The following GALNTL6 variants were observed in gnomAD, a reference collection of about 807,000 sequenced individuals.
GALNTL6 encodes the protein polypeptide N-acetylgalactosaminyltransferase-like 6.
In GALNTL6, 46 loss-of-function variants were observed where a neutral mutation model predicts 73.7. The observed-to-expected ratio is 0.62, with a 90% CI of 0.49 to 0.80. The LOEUF is 0.80. GALNTL6 is among the 30% of genes least tolerant of loss of function. The probability of loss-of-function intolerance (pLI) is 0.00; values close to 1 mark genes in which losing one functional copy is unlikely to be tolerated. For synonymous variants in GALNTL6, 259 were observed against 263.7 expected, an observed-to-expected ratio of 0.98 and a Z score of 0.17; for missense variants, 604 against 755.0, an observed-to-expected ratio of 0.80 and a Z score of 2.34.
At chr4:172,487,318 C>T (rs1433733287) in intron 5 of GALNTL6, among the ~76,000 whole-genome samples, 4 of 109,222 alleles carry the variant, frequency 3.7e-5, no homozygotes, top group Non-Finnish European at 8.2e-5. Flanking sequence ...TTCTTTCTTT[C>T]TTTCTTTCTT....
chr4:172,256,909 G>A (rs1546332), intron 3 of GALNTL6, among the ~76,000 whole-genome samples: 1 of 151,090 alleles, frequency 6.6e-6, no homozygotes, highest in Non-Finnish European at 1.5e-5. Context: ...AAAAACTTAT[G>A]TTCTCATGGT....
In GALNTL6 at chr4:173,021,428, C is replaced by G. The variant is rs756059897; in HGVS notation, c.1489-48C>G. The G allele has an allele frequency of 8.1e-6, 13 of 1,603,866 alleles. No individual in the cohort carries two copies. The East Asian group carries it at 2.2e-4, about 28-fold the overall frequency. On this transcript the variant is annotated intron_variant, in intron 11 of 12. Transcript: ENST00000506823. Reference sequence around the variant, plus strand: ...ACCTTCCCCCGCCCTTGCATCTTCTCTCCAAAACAAACTCACTGCAGCTTT... The same window carrying G: ...ACCTTCCCCCGCCCTTGCATCTTCTGTCCAAAACAAACTCACTGCAGCTTT...
intron 5 of GALNTL6, among the ~76,000 whole-genome samples, chr4:172,557,685 T>A (rs934613408): frequency 6.6e-6 from 1 of 152,180 alleles, no homozygotes; most frequent in Admixed American, 6.5e-5. Flanking sequence ...AAAACCATTA[T>A]GAAATACTAC....
chr4:173,040,313 G>A lies in GALNTL6; in HGVS notation c.*213G>A, dbSNP rs577071431. 19 of 522,954 alleles carry A rather than the reference G, an allele frequency of 3.6e-5. 1 individual carries two copies. The South Asian group carries it at 5.1e-4, about 14-fold the overall frequency. The allele number at this position is 522,954 out of a possible 1,614,324, so 32.4% of individuals were successfully genotyped here. A position where few individuals can be genotyped will look rare whatever the true frequency, so the allele number is the denominator to read the frequency against. On this transcript the variant is annotated 3_prime_UTR_variant, in exon 13 of 13. Transcript: ENST00000506823. ...TCACCAGCTGCTTCTGAGAACTCGAGACTAGCAGTTCCCTTGCTGGCCAAG... is the reference window on the plus strand; with the variant it reads ...TCACCAGCTGCTTCTGAGAACTCGAAACTAGCAGTTCCCTTGCTGGCCAAG...
chr4:172,964,976 C>G (rs1750258566), intron 10 of GALNTL6, among the ~76,000 whole-genome samples: 1 of 152,236 alleles, frequency 6.6e-6, no homozygotes, highest in Admixed American at 6.5e-5. Context: ...CCTGCTATTT[C>G]CCTGGCAACT....
intron 2 of GALNTL6, among the ~76,000 whole-genome samples, chr4:171,947,773 C>T (rs1194887283): frequency 6.6e-6 from 1 of 152,150 alleles, no homozygotes; most frequent in Non-Finnish European, 1.5e-5. Context: ...CTCACCCTCA[C>T]CTCCACTAGC....
At chr4:172,171,541 G>A (rs1284066639) in intron 2 of GALNTL6, among the ~76,000 whole-genome samples, 1 of 151,856 alleles carries the variant, frequency 6.6e-6, no homozygotes, top group African/African-American at 2.4e-5. Context: ...AAGATGTAGG[G>A]CAGGAGGCTA....
intron 2 of GALNTL6, among the ~76,000 whole-genome samples, chr4:172,148,627 C>G (rs1223431626): frequency 6.6e-6 from 1 of 152,124 alleles, no homozygotes; most frequent in African/African-American, 2.4e-5. Flanking sequence ...CATGTTATAT[C>G]TCACCTGCCT....
At chr4:171,868,364 C>T (rs1053744448) in intron 2 of GALNTL6, among the ~76,000 whole-genome samples, 9 of 144,234 alleles carry the variant, frequency 6.2e-5, no homozygotes, top group South Asian at 2.3e-4. Context: ...TTTTGATTCG[C>T]GTCTGTAAAC....
intron 5 of GALNTL6, among the ~76,000 whole-genome samples, chr4:172,646,759 A>C (rs928355885): frequency 3.3e-5 from 5 of 152,162 alleles, no homozygotes; most frequent in African/African-American, 1.2e-4. Flanking sequence ...TCTTCAAGTA[A>C]AGCTGTGAAA....
At position 172,116,427 on chromosome 4, in the gene GALNTL6, A is replaced by G. The variant is rs1484737959; in HGVS notation, c.139-113229A>G. ...AGATTTTTAGATGACTGTTATCCCA[A>G]GATGACTTTTATTATCTATTATCCC... On this transcript the variant is annotated intron_variant, in intron 2 of 12. Coordinates refer to ENST00000506823, the MANE Select transcript of GALNTL6 (RefSeq NM_001034845.3). Among the ~76,000 whole-genome samples the G allele has an allele frequency of 3.3e-5, 5 of 152,180 alleles. No homozygotes were observed. In the East Asian group the frequency reaches 9.6e-4, roughly 29 times the overall value.
At chr4:171,968,685 G>A (rs1381699979) in intron 2 of GALNTL6, among the ~76,000 whole-genome samples, 1 of 152,130 alleles carries the variant, frequency 6.6e-6, no homozygotes, top group African/African-American at 2.4e-5. Flanking sequence ...CACTTTTCTT[G>A]TGGTAGAGAA....
Position 172,241,056 on chromosome 4 carries a change from G to A in GALNTL6, c.247+11292G>A, listed in dbSNP as rs185005848. On this transcript the variant is annotated intron_variant, in intron 3 of 12. Coordinates refer to ENST00000506823, the MANE Select transcript of GALNTL6 (RefSeq NM_001034845.3). ...TTCAGAGGGTCAAGGTTTTGTTCTGGGTCTTTATTCGTAGCTGAATTCTTG... is the reference window on the plus strand; with the variant it reads ...TTCAGAGGGTCAAGGTTTTGTTCTGAGTCTTTATTCGTAGCTGAATTCTTG... Among the ~76,000 whole-genome samples the A allele has an allele frequency of 3.3e-5, 5 of 152,176 alleles. No individual in the cohort carries two copies. In the East Asian group the frequency reaches 9.7e-4, roughly 29 times the overall value.
chr4:171,962,276 G>A (rs1310629369), intron 2 of GALNTL6, among the ~76,000 whole-genome samples: 1 of 152,106 alleles, frequency 6.6e-6, no homozygotes, highest in Non-Finnish European at 1.5e-5. Context: ...ATAAGGGCTG[G>A]GTAAAATGAG....
intron 2 of GALNTL6, among the ~76,000 whole-genome samples, chr4:171,940,102 T>C (rs969575456): frequency 3.3e-5 from 5 of 152,156 alleles, no homozygotes; most frequent in Non-Finnish European, 5.9e-5. Flanking sequence ...TTCATCTATC[T>C]TGTATGTATG....
intron 10 of GALNTL6, among the ~76,000 whole-genome samples, chr4:172,963,782 G>A (rs1180468195): frequency 2.6e-5 from 4 of 152,202 alleles, no homozygotes; most frequent in Admixed American, 1.3e-4. Flanking sequence ...ATGAACAGTC[G>A]GGTCTGTGGT....
chr4:172,322,397 T>C (rs1227102669), intron 4 of GALNTL6, among the ~76,000 whole-genome samples: 1 of 152,090 alleles, frequency 6.6e-6, no homozygotes, highest in Admixed American at 6.5e-5. Context: ...CCATACAAAT[T>C]CACCACCTAT....
At chr4:172,992,652 C>T (rs928649191) in intron 10 of GALNTL6, among the ~76,000 whole-genome samples, 4 of 152,232 alleles carry the variant, frequency 2.6e-5, no homozygotes, top group Non-Finnish European at 5.9e-5. Flanking sequence ...TTTAAACAGT[C>T]TGGGTAGCAC....
At chr4:172,761,578 A>T (rs1330327976) in intron 5 of GALNTL6, among the ~76,000 whole-genome samples, 1 of 151,890 alleles carries the variant, frequency 6.6e-6, no homozygotes, top group Admixed American at 6.6e-5. Flanking sequence ...GATTATGGGG[A>T]TGGATTTTCC....
Sources: gnomAD v4.1 joint callset for allele counts (sites outside exome capture counted in the v4.1 genomes callset) on GRCh38, gnomAD v4.1.1 for gene constraint, MANE v1.5 for transcripts, NCBI Gene and HGNC (gene_info 2026-07-23, HGNC 2026-07-21) for gene names.